The following IL1RAPL2 variants were observed in gnomAD, a reference collection of about 807,000 sequenced individuals.
The protein encoded by IL1RAPL2 is interleukin 1 receptor accessory protein like 2, also known as X-linked interleukin-1 receptor accessory protein-like 2.
IL1RAPL2 carries 3 observed loss-of-function variants against 44.1 expected under a neutral mutation model. The ratio of observed to expected loss-of-function variants is 0.07; its 90% confidence interval spans 0.03 to 0.18. The LOEUF is 0.18. Ranked by LOEUF, IL1RAPL2 falls within the 10% of genes least tolerant of loss-of-function variation. IL1RAPL2 has a pLI of 1.00. For missense variants in IL1RAPL2, 391 were observed against 496.4 expected (o/e 0.79, Z 2.02); for synonymous variants, 181 against 178.8 (o/e 1.01, Z -0.10).
At chrX:104,997,523 T>C (rs1261951730) in intron 2 of IL1RAPL2, among the ~76,000 whole-genome samples, 1 of 111,448 alleles carries the variant, frequency 9.0e-6, no homozygotes, top group Non-Finnish European at 1.9e-5. Context: ...ACAGGGGCTG[T>C]TGTACAGAGA....
At chrX:104,798,992 T>C (rs771018385) in intron 2 of IL1RAPL2, among the ~76,000 whole-genome samples, 2 of 111,146 alleles carry the variant, frequency 1.8e-5, no homozygotes, top group South Asian at 3.8e-4. Flanking sequence ...TTATCATACA[T>C]TTATTATTAT....
chrX:104,748,767 G>A (rs1932213835), intron 2 of IL1RAPL2, among the ~76,000 whole-genome samples: 1 of 111,483 alleles, frequency 9.0e-6, no homozygotes, highest in Admixed American at 9.6e-5. Context: ...AATTCAGAGA[G>A]CAGAGAAAAG....
intron 5 of IL1RAPL2, among the ~76,000 whole-genome samples, chrX:105,424,469 G>C (rs1398572509): frequency 9.0e-6 from 1 of 110,712 alleles, no homozygotes; most frequent in South Asian, 4.0e-4. Flanking sequence ...GCCCTAAGTA[G>C]TTCCCAGCTT....
At chrX:105,402,547 A>G (rs2035613413) in intron 5 of IL1RAPL2, among the ~76,000 whole-genome samples, 1 of 111,496 alleles carries the variant, frequency 9.0e-6, no homozygotes, top group Non-Finnish European at 1.9e-5. Flanking sequence ...TGATGAAAAT[A>G]GGATGAAACA....
intron 6 of IL1RAPL2, among the ~76,000 whole-genome samples, chrX:105,668,810 C>T (rs1404818180): frequency 3.6e-5 from 4 of 111,404 alleles, no homozygotes; most frequent in Non-Finnish European, 7.5e-5. Context: ...TTAGTGGGTC[C>T]CAGGCACAAA....
At chrX:105,038,857 T>C (rs1388622902) in intron 2 of IL1RAPL2, among the ~76,000 whole-genome samples, 1 of 111,278 alleles carries the variant, frequency 9.0e-6, no homozygotes, top group Non-Finnish European at 1.9e-5. Context: ...CTCTGCCCTC[T>C]TTCTGCATTT....
intron 2 of IL1RAPL2, among the ~76,000 whole-genome samples, chrX:104,926,088 CAA>C (rs979051869): frequency 3.6e-5 from 4 of 111,899 alleles, no homozygotes; most frequent in African/African-American, 1.3e-4. Context: ...CCTCTGAAAA[CAA>C]ATGAGCAACA....
intron 5 of IL1RAPL2, among the ~76,000 whole-genome samples, chrX:105,376,662 T>C (rs2035389530): frequency 8.9e-6 from 1 of 111,974 alleles, no homozygotes; most frequent in Non-Finnish European, 1.9e-5. Context: ...AATAAATATG[T>C]ATTTCTGTTA....
chrX:105,220,714 C>T (rs1446621172), intron 3 of IL1RAPL2: 3 of 225,877 alleles, frequency 1.3e-5, no homozygotes, highest in Non-Finnish European at 2.4e-5. Context: ...GGGCCAACGT[C>T]GGCTTTTACT....
chrX:105,721,144 G>A (rs1266741756), intron 7 of IL1RAPL2, among the ~76,000 whole-genome samples: 4 of 111,471 alleles, frequency 3.6e-5, no homozygotes, highest in African/African-American at 1.3e-4. Flanking sequence ...GGCCAGGAGC[G>A]GTGGCTCATG....
At chrX:104,609,171 A>G in intron 1 of IL1RAPL2, among the ~76,000 whole-genome samples, 1 of 112,194 alleles carries the variant, frequency 8.9e-6, no homozygotes, top group Non-Finnish European at 1.9e-5. Flanking sequence ...AGAATGTTGA[A>G]TATTGGCCCC....
intron 2 of IL1RAPL2, among the ~76,000 whole-genome samples, chrX:104,839,922 A>AT (rs1321213185): frequency 1.8e-5 from 2 of 111,528 alleles, no homozygotes; most frequent in East Asian, 2.8e-4. Context: ...GTCCTTTATC[A>AT]TTTTTTATTG....
At chrX:104,693,635 T>C (rs774195531) in intron 2 of IL1RAPL2, among the ~76,000 whole-genome samples, 24 of 111,917 alleles carry the variant, frequency 2.1e-4, no homozygotes, top group African/African-American at 7.1e-4. Context: ...AATCATAGAT[T>C]TAAATTTCCT....
intron 6 of IL1RAPL2, among the ~76,000 whole-genome samples, chrX:105,615,471 C>T (rs1222034736): frequency 8.9e-6 from 1 of 112,084 alleles, no homozygotes; most frequent in African/African-American, 3.2e-5. Context: ...AAATGTGGTA[C>T]ATATATACAA....
intron 2 of IL1RAPL2, among the ~76,000 whole-genome samples, chrX:104,677,784 G>A (rs186855002): frequency 5.4e-4 from 61 of 112,323 alleles, no homozygotes; most frequent in African/African-American, 1.8e-3. Flanking sequence ...CCAGTTGTGG[G>A]ATTTAATCTC....
chrX:104,835,924 A>G (rs1921731498), intron 2 of IL1RAPL2, among the ~76,000 whole-genome samples: 1 of 111,554 alleles, frequency 9.0e-6, no homozygotes, highest in Non-Finnish European at 1.9e-5. Flanking sequence ...TGTGATGGTG[A>G]TTAAATTGGA....
At chrX:105,670,147 A>ATATATATATC (rs2037809979) in intron 6 of IL1RAPL2, among the ~76,000 whole-genome samples, 1 of 37,523 alleles carries the variant, frequency 2.7e-5, no homozygotes, top group Non-Finnish European at 5.9e-5. Flanking sequence ...ATATATATAT[A>ATATATATATC]TCTCCACCAG....
At chrX:104,766,529 A>G (rs1932557614) in intron 2 of IL1RAPL2, among the ~76,000 whole-genome samples, 1 of 111,648 alleles carries the variant, frequency 9.0e-6, no homozygotes, top group Non-Finnish European at 1.9e-5. Context: ...CTTTTCCCAT[A>G]GTATGACACC....
At chrX:104,619,082 G>C (rs1457170513) in intron 1 of IL1RAPL2, among the ~76,000 whole-genome samples, 1 of 111,764 alleles carries the variant, frequency 8.9e-6, no homozygotes, top group Non-Finnish European at 1.9e-5. Context: ...TTGCAATGGA[G>C]GAGAGCAGAA....
Sources: gnomAD v4.1 joint callset for allele counts (sites outside exome capture counted in the v4.1 genomes callset) on GRCh38, gnomAD v4.1.1 for gene constraint, MANE v1.5 for transcripts, NCBI Gene and HGNC (gene_info 2026-07-23, HGNC 2026-07-21) for gene names.